The following CHERP variants were observed in gnomAD, a reference collection of about 807,000 sequenced individuals.
The protein encoded by CHERP is calcium homeostasis endoplasmic reticulum protein.
CHERP carries 8 observed loss-of-function variants against 113.8 expected under a neutral mutation model. The observed-to-expected ratio is 0.07, with a 90% CI of 0.04 to 0.13. The LOEUF (loss-of-function observed/expected upper bound fraction) is 0.13. Ranked by LOEUF, CHERP falls within the 10% of genes least tolerant of loss-of-function variation. The pLI, the probability that CHERP is intolerant of heterozygous loss-of-function variation, is 1.00. For synonymous variants in CHERP, 559 were observed against 524.5 expected, an observed-to-expected ratio of 1.07 and a Z score of -0.90; for missense variants, 884 against 1,298.2, an observed-to-expected ratio of 0.68 and a Z score of 4.90.
At chr19:16,521,826 C>T (rs1456070403) in intron 11 of CHERP, among the ~76,000 whole-genome samples, 172 bp from the exon 12 acceptor site, 3 of 152,206 alleles carry the variant, frequency 2.0e-5, no homozygotes, top group African/African-American at 7.2e-5. Flanking sequence ...TGTAGGACCT[C>T]AGCCACACCA....
In CHERP at chr19:16,533,486, G is replaced by A. The variant is rs377461007; in HGVS notation, c.385-338C>T. 2.7e-3 allele frequency among the ~76,000 whole-genome samples: 414 copies of A among 152,316 alleles called. 1 individual carries two copies. The highest frequency in any genetic ancestry group is 9.3e-3 in the African/African-American group (385 of 41,564). ...TCAACAAAAAACAAAGGCGGGGCGCGGTGGCTCATGCCTGTAATCCCAGCA... is the reference window on the plus strand; with the variant it reads ...TCAACAAAAAACAAAGGCGGGGCGCAGTGGCTCATGCCTGTAATCCCAGCA... On this transcript the variant is annotated intron_variant, in intron 3 of 16. Transcript: ENST00000546361.
At position 16,541,656 on chromosome 19, in the gene CHERP, G is replaced by C. The variant is rs547123748; in HGVS notation, c.199+214C>G. 11 of 509,126 alleles carry C rather than the reference G, an allele frequency of 2.2e-5. No homozygotes were observed. In the East Asian group the frequency reaches 3.3e-4, roughly 15 times the overall value. 31.5% of individuals were successfully genotyped at this position (509,126 alleles called of 1,614,324 possible). A position where few individuals can be genotyped will look rare whatever the true frequency, so the allele number is the denominator to read the frequency against. ...AATCCCTGATCCAGAGCCCAGGGGG[G>C]AGGATCGAAAACCTCGTTGTTCTCC... On this transcript the variant is annotated intron_variant, in intron 2 of 16. Coordinates refer to ENST00000546361, the MANE Select transcript of CHERP (RefSeq NM_006387.6).
Position 16,520,110 on chromosome 19 carries a change from C to T in CHERP, c.2462+39G>A. The T allele has an allele frequency of 1.3e-6, 2 of 1,593,164 alleles. No individual in the cohort carries two copies. The highest frequency in any genetic ancestry group is 4.2e-4 in the Middle Eastern group (2 of 4,738). ...CATTCACAGCAAAGCACCGCAGCTT[C>T]CCAGAGTTACCAGCGCAGCACTTAA... On this transcript the variant is annotated intron_variant, in intron 15 of 16. Transcript: ENST00000546361. The surrounding 1 kb of genome is among the most constrained non-coding windows in gnomAD (Gnocchi z 4.0).
chr19:16,524,643 C>T (rs1242445439), intron 10 of CHERP, among the ~76,000 whole-genome samples: 1 of 151,964 alleles, frequency 6.6e-6, no homozygotes, highest in Admixed American at 6.6e-5. Flanking sequence ...GACCCAGCTA[C>T]TCTAGAGGCT....
At chr19:16,521,087 T>G (rs2122243406) in intron 12 of CHERP, 175 bp from the exon 13 acceptor site, 1 of 637,518 alleles carries the variant, frequency 1.6e-6, no homozygotes, top group East Asian at 2.7e-5. Context: ...GCTGTCCTCC[T>G]GCAGCCCAGT....
chr19:16,525,257 C>G lies in CHERP; in HGVS notation c.1726G>C (p.Gly576Arg). 2.1e-6 allele frequency: 3 copies of G among 1,432,648 alleles called. No homozygotes were observed. Among genetic ancestry groups the G allele is most frequent in the Non-Finnish European group, 2.7e-6 (3 of 1,091,266 alleles). The allele number at this position is 1,432,648 out of a possible 1,614,324, so 88.7% of individuals were successfully genotyped here. Residue 576 changes from glycine (G) to arginine (R), a missense_variant, in exon 10 of 17, where the codon GGG becomes CGG. By Grantham distance (125) the Gly-to-Arg change is moderately radical. Around this residue, in one of 8 missense-constraint regions of CHERP, gnomAD observed 464 missense variants for 590.1 expected, o/e 0.79. Coordinates refer to ENST00000546361, the MANE Select transcript of CHERP (RefSeq NM_006387.6). This position sits in a 1 kb window ranked among gnomAD's most constrained non-coding sequence, Gnocchi z 6.5. ...PYPHRFDYPQ[G>R]DFPAEMGPPH... is the part of the protein sequence containing the mutation. ...GTACACTCACCGGCAGGGAAGTCCCCCTGGGGGTAGTCGAAGCGGTGGGGA... is the reference window on the plus strand; with the variant it reads ...GTACACTCACCGGCAGGGAAGTCCCGCTGGGGGTAGTCGAAGCGGTGGGGA...
At chr19:16,529,545 AAGAACTG>A in intron 8 of CHERP, 96 bp downstream of exon 8, 1 of 1,399,490 alleles carries the variant, frequency 7.1e-7, no homozygotes, top group East Asian at 2.5e-5. Context: ...ACGAGGGAAC[AAGAACTG>A]AGTCTGAGGG....
intron 12 of CHERP, 66 bp downstream of exon 12, chr19:16,521,450 AGGTGT>A: frequency 7.1e-7 from 1 of 1,402,928 alleles, no homozygotes; most frequent in Non-Finnish European, 9.4e-7. Flanking sequence ...CCTGGACAGA[AGGTGT>A]GGTTGCAGGG....
rs539304092 is a variant in CHERP, at chr19:16,538,174, C to T, written c.200-2538G>A. ...GTCCCCGACTCCTCCCCAAGCCAGG[C>T]CTCCAACTCCTCCCCAAGCCAGGCT... On this transcript the variant is annotated intron_variant, in intron 2 of 16. Coordinates refer to ENST00000546361, the MANE Select transcript of CHERP (RefSeq NM_006387.6). Among the ~76,000 whole-genome samples the T allele has an allele frequency of 1.3e-4, 20 of 152,120 alleles. 1 individual carries two copies. The South Asian group carries it at 3.7e-3, about 28-fold the overall frequency.
chr19:16,540,161 T>C (rs2085768644), intron 2 of CHERP, among the ~76,000 whole-genome samples: 2 of 152,174 alleles, frequency 1.3e-5, no homozygotes, highest in African/African-American at 4.8e-5. Context: ...CCTCCCAGGT[T>C]CAAGCGATTC....
At position 16,525,741 on chromosome 19, in the gene CHERP, A is replaced by C; in HGVS notation, c.1306-64T>G. 7.3e-7 allele frequency: 1 copy of C among 1,365,138 alleles called. No homozygotes were observed. The highest frequency in any genetic ancestry group is 9.6e-7 in the Non-Finnish European group (1 of 1,040,680). The allele number at this position is 1,365,138 out of a possible 1,614,324, so 84.6% of individuals were successfully genotyped here. On this transcript the variant is annotated intron_variant, in intron 9 of 16. Transcript: ENST00000546361. This position sits in a 1 kb window ranked among gnomAD's most constrained non-coding sequence, Gnocchi z 6.5. ...AGGCCCTAGTGCTCGGCAGCATCACAGCGCTCGGCAGCATCACAGCGCTGG... is the reference window on the plus strand; with the variant it reads ...AGGCCCTAGTGCTCGGCAGCATCACCGCGCTCGGCAGCATCACAGCGCTGG...
In CHERP at chr19:16,519,199, G is replaced by A. The variant is rs2085582243; in HGVS notation, c.2711C>T (p.Ser904Phe). The stretch of plus-strand genomic sequence containing the variant: ...CCTGGCCTTCATGCGGGCGATGAAG[G>A]AGTAGCTCTTGTTCCTGCGGTAGTT... ...YENYRRNKSY[S>F]FIARMKARDE... is the part of the protein sequence containing the mutation. Residue 904 changes from serine (S) to phenylalanine (F), a missense_variant, in exon 17 of 17, where the codon TCC (serine) becomes TTC (phenylalanine). Physicochemically the swap from Ser to Phe is radical, Grantham distance 155. Coordinates refer to ENST00000546361, the MANE Select transcript of CHERP (RefSeq NM_006387.6). This position sits in a 1 kb window ranked among gnomAD's most constrained non-coding sequence, Gnocchi z 6.0. 6.2e-7 allele frequency: 1 copy of A among 1,613,878 alleles called. No individual in the cohort carries two copies. Among genetic ancestry groups the A allele is most frequent in the Non-Finnish European group, 8.5e-7 (1 of 1,180,028 alleles).
rs769114963 is a variant in CHERP, at chr19:16,542,403, C to T, written c.-25G>A. On this transcript the variant is annotated 5_prime_UTR_variant, in exon 1 of 17. Transcript: ENST00000546361. Reference sequence around the variant, plus strand: ...TGGCTCCGGCCGCGGGGAACGTCCTCCGGCGCCACACGATCGACCACCAGC... The same window carrying T: ...TGGCTCCGGCCGCGGGGAACGTCCTTCGGCGCCACACGATCGACCACCAGC... 1.4e-5 allele frequency: 19 copies of T among 1,355,176 alleles called. No homozygotes were observed. Among genetic ancestry groups the T allele is most frequent in the Admixed American group, 9.3e-5 (3 of 32,346 alleles). 83.9% of individuals were successfully genotyped at this position (1,355,176 alleles called of 1,614,324 possible). A position where few individuals can be genotyped will look rare whatever the true frequency, so the allele number is the denominator to read the frequency against.
At position 16,542,151 on chromosome 19, in the gene CHERP, G is replaced by A. The variant is rs2085784527; in HGVS notation, c.26-108C>T. The A allele has an allele frequency of 1.5e-6, 2 of 1,329,914 alleles. 1 individual carries two copies. The highest frequency in any genetic ancestry group is 2.9e-5 in the South Asian group (2 of 68,056). 82.4% of individuals were successfully genotyped at this position (1,329,914 alleles called of 1,614,324 possible). A position where few individuals can be genotyped will look rare whatever the true frequency, so the allele number is the denominator to read the frequency against. ...CCTTGCCGGGGACCCCAAGGGGGTGGGCCCCGAAGAGGCCGCCCTTGTACG... is the reference window on the plus strand; with the variant it reads ...CCTTGCCGGGGACCCCAAGGGGGTGAGCCCCGAAGAGGCCGCCCTTGTACG... On this transcript the variant is annotated intron_variant, in intron 1 of 16. Transcript: ENST00000546361.
At position 16,523,599 on chromosome 19, in the gene CHERP, C is replaced by T. The variant is rs1204711590; in HGVS notation, c.1742-309G>A. 6.6e-6 allele frequency among the ~76,000 whole-genome samples: 1 copy of T among 152,180 alleles called. No homozygotes were observed. Among genetic ancestry groups the T allele is most frequent in the Non-Finnish European group, 1.5e-5 (1 of 68,038 alleles). On this transcript the variant is annotated intron_variant, in intron 10 of 16. Coordinates refer to ENST00000546361, the MANE Select transcript of CHERP (RefSeq NM_006387.6). The surrounding 1 kb of genome is among the most constrained non-coding windows in gnomAD (Gnocchi z 4.0). ...AATCCATACGCTGAGGTCCCAGCCCCCAGTAGCTCAGGACGGAACTGTATT... is the reference window on the plus strand; with the variant it reads ...AATCCATACGCTGAGGTCCCAGCCCTCAGTAGCTCAGGACGGAACTGTATT...
rs2085731847 is a variant in CHERP at position 16,535,049 on chromosome 19, C to G, written c.384+403G>C. The stretch of plus-strand genomic sequence containing the variant: ...TGAGATCACGCCTCTGCACTCCAGC[C>G]TGGGCGACAGAACAAGACTTAAAAA... On this transcript the variant is annotated intron_variant, in intron 3 of 16. Coordinates refer to ENST00000546361, the MANE Select transcript of CHERP (RefSeq NM_006387.6). The surrounding 1 kb of genome is among the most constrained non-coding windows in gnomAD (Gnocchi z 4.3). Among the ~76,000 whole-genome samples the G allele has an allele frequency of 6.6e-6, 1 of 151,986 alleles. No individual in the cohort carries two copies. Among genetic ancestry groups the G allele is most frequent in the Non-Finnish European group, 1.5e-5 (1 of 67,970 alleles).
chr19:16,531,398 C>T (rs933276258), intron 5 of CHERP, among the ~76,000 whole-genome samples: 10 of 152,160 alleles, frequency 6.6e-5, no homozygotes, highest in African/African-American at 2.4e-4. Flanking sequence ...CGGGGGGAGG[C>T]GCCGGGCCCA....
intron 7 of CHERP, 78 bp from the exon 8 acceptor site, chr19:16,529,978 G>T: frequency 4.6e-6 from 7 of 1,517,820 alleles, no homozygotes; most frequent in Non-Finnish European, 6.2e-6. Flanking sequence ...CAAACGCCTG[G>T]AAAGCAGCAG....
chr19:16,524,364 G>C (rs1404472899), intron 10 of CHERP, among the ~76,000 whole-genome samples: 1 of 152,138 alleles, frequency 6.6e-6, no homozygotes, highest in African/African-American at 2.4e-5. Context: ...AGACCAGCCT[G>C]GGCAACATGG....
Sources: gnomAD v4.1 joint callset for allele counts (sites outside exome capture counted in the v4.1 genomes callset) on GRCh38, gnomAD v4.1.1 for gene constraint, gnomAD v4.1.1 regional missense constraint, Gnocchi (gnomAD v3.1) non-coding constraint, MANE v1.5 for transcripts, NCBI Gene and HGNC (gene_info 2026-07-23, HGNC 2026-07-21) for gene names.